The following GRID2 variants were observed in gnomAD, a reference collection of about 807,000 sequenced individuals.
GRID2 encodes glutamate ionotropic receptor delta type subunit 2.
In GRID2, 33 loss-of-function variants were observed where a neutral mutation model predicts 114.8. The observed-to-expected ratio is 0.29, with a 90% CI of 0.22 to 0.38. The LOEUF (loss-of-function observed/expected upper bound fraction) is 0.38, where lower values mean the gene tolerates loss of function less well. Ranked by LOEUF, GRID2 falls within the 10% of genes least tolerant of loss-of-function variation. The probability of loss-of-function intolerance (pLI) is 1.00; values close to 1 mark genes in which losing one functional copy is unlikely to be tolerated. For synonymous variants in GRID2, 505 were observed against 449.9 expected (o/e 1.12, Z -1.55); for missense variants, 1,184 against 1,257.7 (o/e 0.94, Z 0.89).
intron 13 of GRID2, among the ~76,000 whole-genome samples, chr4:93,574,247 A>T (rs1229112544): frequency 6.6e-6 from 1 of 152,142 alleles, no homozygotes; most frequent in Non-Finnish European, 1.5e-5. Flanking sequence ...CTGTAGTGAA[A>T]ATTGCTTGCA....
intron 14 of GRID2, among the ~76,000 whole-genome samples, chr4:93,760,728 A>G (rs572717489): frequency 1.6e-4 from 25 of 152,238 alleles, no homozygotes; most frequent in Non-Finnish European, 1.6e-4. Context: ...ACACATAATT[A>G]AAAACCATTT....
chr4:92,659,418 G>A (rs1216372224), intron 2 of GRID2, among the ~76,000 whole-genome samples: 1 of 151,240 alleles, frequency 6.6e-6, no homozygotes, highest in Non-Finnish European at 1.5e-5. Flanking sequence ...ACTTTGGTGG[G>A]GAATCAACAC....
chr4:92,635,103 C>A (rs879628737), intron 2 of GRID2, among the ~76,000 whole-genome samples: 34 of 152,138 alleles, frequency 2.2e-4, no homozygotes, highest in Middle Eastern at 6.8e-3. Context: ...TTGTCTTGAA[C>A]TACAATATTT....
chr4:93,523,480 T>G (rs1193136293), intron 13 of GRID2, among the ~76,000 whole-genome samples: 1 of 151,180 alleles, frequency 6.6e-6, no homozygotes. Flanking sequence ...ACCTGGAGAG[T>G]TGTAGAGGAA....
chr4:92,322,002 G>A (rs558722120), intron 1 of GRID2, among the ~76,000 whole-genome samples: 20 of 152,132 alleles, frequency 1.3e-4, no homozygotes, highest in African/African-American at 4.6e-4. Flanking sequence ...TGCAAATAAG[G>A]TTCATATTTC....
chr4:92,886,573 T>C (rs1216409356), intron 2 of GRID2, among the ~76,000 whole-genome samples: 1 of 151,994 alleles, frequency 6.6e-6, no homozygotes, highest in African/African-American at 2.4e-5. Flanking sequence ...TGAAATATCT[T>C]ACCTTGCTAT....
intron 2 of GRID2, among the ~76,000 whole-genome samples, chr4:92,726,160 A>T (rs568746692): frequency 6.6e-6 from 1 of 152,278 alleles, no homozygotes; most frequent in East Asian, 1.9e-4. Context: ...ATAAATATGG[A>T]TAAGAGTTGA....
rs137991098 is a variant in GRID2 at position 93,422,932 on chromosome 4, G to A, written c.1509G>A (p.Gly503=). The part of the protein sequence containing the change: ...DHKYGSPQED[G]TWNGLVGELV... The stretch of plus-strand genomic sequence containing the variant: ...AATACGGAAGCCCACAAGAAGATGG[G>A]ACATGGAATGGCTTGGTAGGAGAAC... The change falls in exon 10 of 16, where the codon GGG becomes GGA. Residue 503 remains glycine, a synonymous_variant. Coordinates refer to ENST00000282020, the MANE Select transcript of GRID2 (RefSeq NM_001510.4). 1.2e-5 allele frequency: 20 copies of A among 1,613,324 alleles called. No individual in the cohort carries two copies. The highest frequency in any genetic ancestry group is 1.7e-5 in the Non-Finnish European group (20 of 1,179,442).
At chr4:93,536,844 A>C (rs1732138663) in intron 13 of GRID2, among the ~76,000 whole-genome samples, 1 of 151,656 alleles carries the variant, frequency 6.6e-6, no homozygotes, top group South Asian at 2.1e-4. Context: ...AGTCATGCAA[A>C]GTTTTTTGAT....
At chr4:92,974,387 TGTATCTTTATTGTGGCACTGTTCAC>T (rs1443102765) in intron 2 of GRID2, among the ~76,000 whole-genome samples, 2 of 152,054 alleles carry the variant, frequency 1.3e-5, no homozygotes, top group Admixed American at 1.3e-4. Context: ...CACATGTACA[TGTATCTTTATTGTGGCACTGTTCAC>T]AATAGCAAAG....
At chr4:92,598,376 T>G (rs1729051829) in intron 2 of GRID2, among the ~76,000 whole-genome samples, 1 of 152,106 alleles carries the variant, frequency 6.6e-6, no homozygotes, top group Admixed American at 6.6e-5. Context: ...TATGTGTACC[T>G]CTCTTCTTTT....
chr4:92,646,209 T>C (rs1731613561), intron 2 of GRID2, among the ~76,000 whole-genome samples: 1 of 152,168 alleles, frequency 6.6e-6, no homozygotes, highest in Non-Finnish European at 1.5e-5. Context: ...GGAGATACTT[T>C]CTTATTATGT....
intron 7 of GRID2, among the ~76,000 whole-genome samples, chr4:93,228,169 G>A (rs1198519872): frequency 2.0e-5 from 3 of 152,096 alleles, no homozygotes; most frequent in Non-Finnish European, 4.4e-5. Flanking sequence ...AGAATACCAT[G>A]GACTTCGTAG....
At chr4:93,730,339 A>AAC (rs1224089333) in intron 14 of GRID2, among the ~76,000 whole-genome samples, 1 of 152,354 alleles carries the variant, frequency 6.6e-6, no homozygotes, top group East Asian at 1.9e-4. Context: ...AAGAACTCAG[A>AAC]TTGTTTTAGT....
chr4:92,947,814 A>G (rs923747667), intron 2 of GRID2, among the ~76,000 whole-genome samples: 2 of 151,932 alleles, frequency 1.3e-5, no homozygotes, highest in East Asian at 1.9e-4. Context: ...TGCATCATAT[A>G]TATCACAAGC....
intron 4 of GRID2, among the ~76,000 whole-genome samples, chr4:93,156,014 G>A (rs1737151473): frequency 6.6e-6 from 1 of 151,642 alleles, no homozygotes; most frequent in Non-Finnish European, 1.5e-5. Flanking sequence ...TGCTCGAGGT[G>A]ATGGATACCC....
At chr4:93,113,307 A>G (rs1347368664) in intron 4 of GRID2, among the ~76,000 whole-genome samples, 1 of 152,198 alleles carries the variant, frequency 6.6e-6, no homozygotes, top group African/African-American at 2.4e-5. Context: ...TTTGTAGATA[A>G]GAAAACTGAG....
chr4:92,304,648 T>G lies in GRID2; in HGVS notation c.-9T>G, dbSNP rs543473210. The G allele has an allele frequency of 1.9e-5, 30 of 1,599,562 alleles. No individual in the cohort carries two copies. The South Asian group carries it at 3.3e-4, about 18-fold the overall frequency. On this transcript the variant is annotated 5_prime_UTR_variant, in exon 1 of 16. Coordinates refer to ENST00000282020, the MANE Select transcript of GRID2 (RefSeq NM_001510.4). ...AATCCATCCTCCAAGAGAATCGGCA[T>G]AGGAGGAGATGGAAGTTTTCCCCTT...
In GRID2 at chr4:92,452,943, G is replaced by GGT. The variant is rs10591876; in HGVS notation, c.89-137166_89-137165dup. Among the ~76,000 whole-genome samples, 455 of 146,788 alleles carry GGT rather than the reference G, an allele frequency of 3.1e-3. 2 individuals carry two copies. Among genetic ancestry groups the GGT allele is most frequent in the South Asian group, 8.6e-3 (40 of 4,642 alleles). ...TATGATACATAGAGATAGACTGACA[G>GGT]GTGTGTGTGTGTGTGTGTGTGTGCA... On this transcript the variant is annotated intron_variant, in intron 1 of 15. Transcript: ENST00000282020.
Sources: gnomAD v4.1 joint callset for allele counts (sites outside exome capture counted in the v4.1 genomes callset) on GRCh38, gnomAD v4.1.1 for gene constraint, MANE v1.5 for transcripts, NCBI Gene and HGNC (gene_info 2026-07-23, HGNC 2026-07-21) for gene names.